Variants in ROBO2 observed in about 807,000 individuals in gnomAD.
ROBO2 encodes roundabout homolog 2.
In ROBO2, 53 loss-of-function variants were observed where a neutral mutation model predicts 160.8. The ratio of observed to expected loss-of-function variants is 0.33; its 90% CI spans 0.26 to 0.41. The LOEUF (loss-of-function observed/expected upper bound fraction) is 0.41. Among genes scored for constraint, ROBO2 ranks in the 10% least tolerant of loss-of-function variants. The pLI is 1.00. For missense variants in ROBO2, 1,577 were observed against 1,722.4 expected, an observed-to-expected ratio of 0.92 and a Z score of 1.49; for synonymous variants, 664 against 611.7, an observed-to-expected ratio of 1.09 and a Z score of -1.26.
chr3:76,759,539 T>C (rs951431704), intron 2 of ROBO2, among the ~76,000 whole-genome samples: 3 of 151,782 alleles, frequency 2.0e-5, no homozygotes, highest in African/African-American at 7.2e-5. Context: ...TAGCACATAG[T>C]TGGATCTCCG....
chr3:76,431,849 TG>T (rs1220446044), intron 2 of ROBO2, among the ~76,000 whole-genome samples: 2 of 152,212 alleles, frequency 1.3e-5, no homozygotes, highest in African/African-American at 2.4e-5. Context: ...ATCTTAATGC[TG>T]GGGGGATTTA....
chr3:76,085,480 T>TA (rs2068980800), intron 2 of ROBO2, among the ~76,000 whole-genome samples: 1 of 152,146 alleles, frequency 6.6e-6, no homozygotes. Context: ...GGTATTTTTT[T>TA]AAATAAAAAA....
At chr3:75,972,239 G>T (rs901838036) in intron 2 of ROBO2, among the ~76,000 whole-genome samples, 1 of 151,628 alleles carries the variant, frequency 6.6e-6, no homozygotes, top group Non-Finnish European at 1.5e-5. Flanking sequence ...GCATAGAAAT[G>T]ATCAATAAAA....
At chr3:76,897,008 A>C (rs552241703) in intron 2 of ROBO2, among the ~76,000 whole-genome samples, 1 of 152,160 alleles carries the variant, frequency 6.6e-6, no homozygotes, top group Non-Finnish European at 1.5e-5. Context: ...AGTTGTCAGC[A>C]CTGTGTGTGA....
chr3:76,066,180 CATATT>C (rs1484855049), intron 2 of ROBO2, among the ~76,000 whole-genome samples: 1 of 152,002 alleles, frequency 6.6e-6, no homozygotes, highest in African/African-American at 2.4e-5. Context: ...CATGATGAAT[CATATT>C]ATATTTATCA....
At chr3:77,503,512 A>G (rs2087959320) in intron 5 of ROBO2, among the ~76,000 whole-genome samples, 1 of 149,910 alleles carries the variant, frequency 6.7e-6, no homozygotes, top group Non-Finnish European at 1.5e-5. Context: ...CCACAGAGAG[A>G]GAGTCCGTCT....
intron 5 of ROBO2, among the ~76,000 whole-genome samples, chr3:77,504,282 A>C (rs2088126757): frequency 6.6e-6 from 1 of 152,210 alleles, no homozygotes. Flanking sequence ...AGACATTTGA[A>C]ACCTTTATAA....
At chr3:76,272,888 ATAAAAATATAATATATAT>A (rs1707600265) in intron 2 of ROBO2, among the ~76,000 whole-genome samples, 1 of 71,810 alleles carries the variant, frequency 1.4e-5, no homozygotes, top group African/African-American at 6.0e-5. Context: ...ATATTTATAT[ATAAAAATATAATATATAT>A]TTATATATAA....
intron 2 of ROBO2, among the ~76,000 whole-genome samples, chr3:76,718,479 T>C (rs1039829618): frequency 3.3e-5 from 5 of 152,252 alleles, no homozygotes; most frequent in Middle Eastern, 3.2e-3. Context: ...GCCTTCACCC[T>C]TTCTTAGTTG....
At chr3:76,651,050 A>C (rs1236027609) in intron 2 of ROBO2, among the ~76,000 whole-genome samples, 1 of 152,118 alleles carries the variant, frequency 6.6e-6, no homozygotes, top group Non-Finnish European at 1.5e-5. Context: ...AAGAGTGAAA[A>C]ACCCACCTCA....
At chr3:76,032,500 A>G (rs1174404017) in intron 2 of ROBO2, among the ~76,000 whole-genome samples, 11 of 152,188 alleles carry the variant, frequency 7.2e-5, no homozygotes, top group African/African-American at 2.7e-4. Flanking sequence ...ATTTAGTGCT[A>G]TAAATTTCCC....
chr3:76,872,048 A>G (rs746119075), intron 2 of ROBO2, among the ~76,000 whole-genome samples: 1 of 152,168 alleles, frequency 6.6e-6, no homozygotes, highest in Non-Finnish European at 1.5e-5. Context: ...TGTCACTGAA[A>G]TATTAATCAA....
chr3:76,575,970 A>G (rs552234862), intron 2 of ROBO2, among the ~76,000 whole-genome samples: 1 of 152,170 alleles, frequency 6.6e-6, no homozygotes, highest in South Asian at 2.1e-4. Flanking sequence ...AGAATTTACA[A>G]TACATTAAAA....
At chr3:76,868,752 CGAT>C (rs1180810485) in intron 2 of ROBO2, among the ~76,000 whole-genome samples, 1 of 151,068 alleles carries the variant, frequency 6.6e-6, no homozygotes, top group Admixed American at 6.6e-5. Context: ...AAAAATCACT[CGAT>C]GATTTTTAAA....
intron 2 of ROBO2, among the ~76,000 whole-genome samples, chr3:77,233,243 C>T (rs994298286): frequency 1.3e-5 from 2 of 152,106 alleles, no homozygotes; most frequent in African/African-American, 4.8e-5. Flanking sequence ...TCAGTAATAT[C>T]AATAAGGTGA....
At chr3:76,375,501 C>T (rs1272475160) in intron 2 of ROBO2, among the ~76,000 whole-genome samples, 1 of 152,040 alleles carries the variant, frequency 6.6e-6, no homozygotes, top group East Asian at 1.9e-4. Context: ...GAATGAGGTG[C>T]ATCCTTATCC....
intron 2 of ROBO2, among the ~76,000 whole-genome samples, chr3:77,437,654 A>T (rs2079437254): frequency 6.6e-6 from 1 of 152,004 alleles, no homozygotes. Flanking sequence ...TTATTACATT[A>T]TTCATCGTAA....
chr3:77,296,373 G>T (rs575237237), intron 2 of ROBO2, among the ~76,000 whole-genome samples: 2 of 152,190 alleles, frequency 1.3e-5, no homozygotes, highest in Admixed American at 1.3e-4. Context: ...CGGTTAAACG[G>T]GTACACTGAG....
intron 2 of ROBO2, among the ~76,000 whole-genome samples, chr3:77,469,265 C>A (rs1303891585): frequency 6.6e-6 from 1 of 152,142 alleles, no homozygotes. Context: ...CAGCCATGTC[C>A]TTAAGAGCCC....
Sources: allele counts gnomAD v4.1 joint callset (sites outside exome capture counted in the v4.1 genomes callset), GRCh38; gene constraint gnomAD v4.1.1; transcripts MANE v1.5; gene names NCBI Gene and HGNC (gene_info 2026-07-23, HGNC 2026-07-21).